Variants in RFC3 observed in about 807,000 individuals in gnomAD.
The protein encoded by RFC3 is replication factor C subunit 3.
A neutral mutation model predicts 45.1 loss-of-function variants in RFC3; 41 were observed. That is an observed-to-expected ratio of 0.91 (90% CI 0.71 to 1.18). RFC3 has a LOEUF of 1.18. Ranked by LOEUF, RFC3 falls within the 50% of genes most tolerant of loss-of-function variation. The pLI is 0.00. For synonymous variants in RFC3, 149 were observed against 144.0 expected, an observed-to-expected ratio of 1.03 and a Z score of -0.25; for missense variants, 423 against 428.1, an observed-to-expected ratio of 0.99 and a Z score of 0.10.
At position 33,926,857 on chromosome 13, in the gene RFC3, T is replaced by G. The variant is rs559372784; in HGVS notation, c.880-39230T>G. Among the ~76,000 whole-genome samples the G allele has an allele frequency of 5.8e-3, 875 of 150,856 alleles. 11 individuals are homozygous for G. The highest frequency in any genetic ancestry group is 0.02 in the African/African-American group (826 of 40,980). On this transcript the variant is annotated intron_variant, in intron 8 of 8. Transcript: ENST00000434425. ...GGCCTATGCTTTGATTATATTCATT[T>G]CAAAGCTCTGTATTAATTAGGAAAT...
At chr13:33,971,739 T>C in the RFC3 span, among the ~76,000 whole-genome samples, 1 of 152,250 alleles carries the variant, frequency 6.6e-6, no homozygotes, top group Non-Finnish European at 1.5e-5. Flanking sequence ...ATTTCTAATA[T>C]TTTGCAATTA....
chr13:33,887,742 T>C (rs1426119730), intron 8 of RFC3, among the ~76,000 whole-genome samples: 2 of 152,112 alleles, frequency 1.3e-5, no homozygotes, highest in African/African-American at 4.8e-5. Context: ...GGTTTTCTTC[T>C]AGGGTTTTTA....
intron 8 of RFC3, among the ~76,000 whole-genome samples, chr13:33,902,469 G>C (rs749424681): frequency 6.6e-6 from 1 of 152,012 alleles, no homozygotes; most frequent in Non-Finnish European, 1.5e-5. Flanking sequence ...ATGGAAATCA[G>C]TGGTAAAAAA....
At chr13:33,963,021 A>G (rs984890053) in intron 8 of RFC3, among the ~76,000 whole-genome samples, 21 of 152,272 alleles carry the variant, frequency 1.4e-4, no homozygotes, top group Middle Eastern at 3.4e-3. Flanking sequence ...ATACATATAT[A>G]AATTTAAAAT....
chr13:33,958,615 T>C (rs546346897), intron 8 of RFC3, among the ~76,000 whole-genome samples: 37 of 152,306 alleles, frequency 2.4e-4, no homozygotes, highest in African/African-American at 8.7e-4. Context: ...AAATAGGAAA[T>C]AATCTTGTTT....
intron 8 of RFC3, among the ~76,000 whole-genome samples, chr13:33,945,578 G>A (rs1007092233): frequency 1.1e-4 from 16 of 152,140 alleles, no homozygotes; most frequent in Non-Finnish European, 2.1e-4. Flanking sequence ...TTGAGTCAGT[G>A]AGGCATTATG....
At chr13:33,919,306 A>T (rs1015482603) in intron 8 of RFC3, among the ~76,000 whole-genome samples, 1 of 151,724 alleles carries the variant, frequency 6.6e-6, no homozygotes, top group East Asian at 1.9e-4. Flanking sequence ...TTTTTTTTTT[A>T]ATGATGCTAA....
intron 8 of RFC3, among the ~76,000 whole-genome samples, chr13:33,946,544 G>A (rs376792144): frequency 9.2e-5 from 14 of 151,866 alleles, no homozygotes; most frequent in Non-Finnish European, 1.5e-4. Flanking sequence ...ACATGTTAAC[G>A]TAAATAAAAT....
chr13:33,966,297 G>T (rs987005679), exon 9 of RFC3: 2 of 632,300 alleles, frequency 3.2e-6, no homozygotes, highest in Admixed American at 5.1e-5. Flanking sequence ...CTGACCCACT[G>T]TGCTGGTTAG....
chr13:33,961,610 G>A (rs1241464459), intron 8 of RFC3, among the ~76,000 whole-genome samples: 1 of 152,206 alleles, frequency 6.6e-6, no homozygotes, highest in Non-Finnish European at 1.5e-5. Flanking sequence ...TAGGTTTCCA[G>A]GGTAAAGGAG....
chr13:33,858,787 TTATC>T (rs1316826246), intron 8 of RFC3, among the ~76,000 whole-genome samples: 6 of 152,180 alleles, frequency 3.9e-5, no homozygotes, highest in African/African-American at 7.2e-5. Context: ...AATGAGATAT[TTATC>T]TATCTATTTA....
rs775845575 is a variant in RFC3, at chr13:33,837,213, C to T, written c.*918C>T. The T allele has an allele frequency of 5.2e-6, 1 of 193,838 alleles. No individual in the cohort carries two copies. The highest frequency in any genetic ancestry group is 9.4e-6 in the Non-Finnish European group (1 of 106,326). 12.0% of individuals were successfully genotyped at this position (193,838 alleles called of 1,614,324 possible). ...ACCCCAAAAAGTTCCCTCCATATCC[C>T]TTTGCAGTCAGTTCATCCCTACCCT... On this transcript the variant is annotated 3_prime_UTR_variant, in exon 9 of 9. Transcript: ENST00000380071.
intron 8 of RFC3, among the ~76,000 whole-genome samples, chr13:33,843,878 C>T (rs879809409): frequency 6.6e-6 from 1 of 152,222 alleles, no homozygotes; most frequent in Non-Finnish European, 1.5e-5. Context: ...AAACCAAATC[C>T]ATATGCAGCC....
intron 7 of RFC3, among the ~76,000 whole-genome samples, chr13:33,834,298 GTATATATATATATATATATATATA>G (rs58858615): frequency 0.039 from 4,268 of 109,234 alleles, 246 homozygotes; most frequent in African/African-American, 0.11. Context: ...TGTACTGTGT[GTATATATATATATATATATATATA>G]TATATATATC....
intron 8 of RFC3, among the ~76,000 whole-genome samples, chr13:33,933,758 A>G (rs955415154): frequency 4.6e-5 from 7 of 152,128 alleles, no homozygotes; most frequent in African/African-American, 1.7e-4. Flanking sequence ...AAAGGAAAAT[A>G]ATTTGTTTGC....
downstream of RFC3, among the ~76,000 whole-genome samples, chr13:33,838,483 C>A (rs545839061): frequency 6.6e-6 from 1 of 152,094 alleles, no homozygotes; most frequent in Non-Finnish European, 1.5e-5. Flanking sequence ...GCTGCCTTCA[C>A]GTTTCTGTTG....
chr13:33,889,060 A>C (rs1242070318), intron 8 of RFC3, among the ~76,000 whole-genome samples: 8 of 152,168 alleles, frequency 5.3e-5, no homozygotes, highest in Admixed American at 5.2e-4. Context: ...AGAAAATCTT[A>C]AATTTGTATT....
intron 8 of RFC3, among the ~76,000 whole-genome samples, chr13:33,908,089 A>G (rs2082682161): frequency 6.6e-6 from 1 of 151,734 alleles, no homozygotes. Flanking sequence ...GAGAAAGGGT[A>G]TTAAAGTATT....
At chr13:33,965,039 A>T (rs2026750) in intron 8 of RFC3, among the ~76,000 whole-genome samples, 1 of 152,096 alleles carries the variant, frequency 6.6e-6, no homozygotes, top group Admixed American at 6.6e-5. Flanking sequence ...TCTCTGGGGG[A>T]AAGTCTGGCC....
Sources: allele counts gnomAD v4.1 joint callset (sites outside exome capture counted in the v4.1 genomes callset), GRCh38; gene constraint gnomAD v4.1.1; transcripts MANE v1.5; gene names NCBI Gene and HGNC (gene_info 2026-07-23, HGNC 2026-07-21).